The following SLC10A2 variants were observed in gnomAD, a reference collection of about 807,000 sequenced individuals.
SLC10A2 encodes solute carrier family 10 member 2.
SLC10A2 carries 34 observed loss-of-function variants against 27.1 expected under a neutral mutation model. The ratio of observed to expected loss-of-function variants is 1.26; its 90% CI spans 0.96 to 1.67. The LOEUF is 1.67. Ranked by LOEUF, SLC10A2 falls within the 40% of genes most tolerant of loss-of-function variation. The probability of loss-of-function intolerance (pLI) is 0.00; values close to 1 mark genes in which losing one functional copy is unlikely to be tolerated. For synonymous variants in SLC10A2, 205 were observed against 174.0 expected (o/e 1.18, Z -1.40); for missense variants, 530 against 444.4 (o/e 1.19, Z -1.73).
At chr13:103,056,111 C>G (rs776247339) in intron 2 of SLC10A2, among the ~76,000 whole-genome samples, 1 of 152,212 alleles carries the variant, frequency 6.6e-6, no homozygotes, top group African/African-American at 2.4e-5. Context: ...TTACTTCCCT[C>G]CATTGTTCAG....
chr13:103,055,540 A>G (rs1344690129), intron 2 of SLC10A2, among the ~76,000 whole-genome samples: 1 of 152,182 alleles, frequency 6.6e-6, no homozygotes, highest in Non-Finnish European at 1.5e-5. Context: ...TGAAGCAGTC[A>G]GTTCATTTAT....
At chr13:103,058,909 C>A (rs752763174) in intron 1 of SLC10A2, among the ~76,000 whole-genome samples, 3 of 152,090 alleles carry the variant, frequency 2.0e-5, no homozygotes, top group Non-Finnish European at 4.4e-5. Context: ...AATAGTGCTG[C>A]GGTGGACATA....
At position 103,049,426 on chromosome 13, in the gene SLC10A2, T is replaced by C; in HGVS notation, c.782A>G (p.Glu261Gly). ...PWYRCRTVAF[E>G]TGMQNTQLCS... is the part of the protein sequence containing the mutation. ...TAGCTGCGTGTTCTGCATCCCCGTT[T>C]CAAAAGCAACCGTTCGGCACCTAAA... The change falls in exon 5 of 6, where the codon GAA (glutamate) becomes GGA (glycine). Residue 261 changes from glutamate to glycine, a missense_variant. Physicochemically the swap from Glu to Gly is moderately conservative, Grantham distance 98. Coordinates refer to ENST00000245312, the MANE Select transcript of SLC10A2 (RefSeq NM_000452.3). The C allele has an allele frequency of 6.2e-7, 1 of 1,614,008 alleles. No individual in the cohort carries two copies. Among genetic ancestry groups the C allele is most frequent in the Non-Finnish European group, 8.5e-7 (1 of 1,179,926 alleles).
chr13:103,062,307 T>G (rs368738404), intron 1 of SLC10A2, among the ~76,000 whole-genome samples: 1 of 152,306 alleles, frequency 6.6e-6, no homozygotes, highest in African/African-American at 2.4e-5. Flanking sequence ...CCTGGGTGAT[T>G]CCAATTCTGA....
intron 1 of SLC10A2, among the ~76,000 whole-genome samples, chr13:103,060,699 T>G (rs1876090295): frequency 6.6e-6 from 1 of 152,132 alleles, no homozygotes; most frequent in Admixed American, 6.5e-5. Flanking sequence ...ATCATTTATG[T>G]TACCATGTTT....
chr13:103,054,417 C>T (rs956073799), intron 2 of SLC10A2, among the ~76,000 whole-genome samples: 1 of 152,198 alleles, frequency 6.6e-6, no homozygotes, highest in African/African-American at 2.4e-5. Flanking sequence ...GAAACTCCCT[C>T]TCCTGGGTCT....
chr13:103,049,523 G>A, intron 4 of SLC10A2, 77 bp from the exon 5 acceptor site: 1 of 1,411,624 alleles, frequency 7.1e-7, no homozygotes, highest in South Asian at 1.2e-5. Context: ...ATAATAATAA[G>A]TACATATATA....
intron 1 of SLC10A2, among the ~76,000 whole-genome samples, chr13:103,061,904 GA>G (rs1365539998): frequency 2.6e-5 from 4 of 151,734 alleles, no homozygotes; most frequent in African/African-American, 7.3e-5. Context: ...TATCTTACAC[GA>G]AAAAATCTGA....
intron 2 of SLC10A2, among the ~76,000 whole-genome samples, chr13:103,057,267 G>A (rs1307660880): frequency 1.3e-5 from 2 of 152,182 alleles, no homozygotes; most frequent in African/African-American, 2.4e-5. Flanking sequence ...TGTGGGAAAT[G>A]CCTATTCCTG....
At chr13:103,054,785 T>C (rs1875893300) in intron 2 of SLC10A2, among the ~76,000 whole-genome samples, 1 of 152,094 alleles carries the variant, frequency 6.6e-6, no homozygotes, top group Non-Finnish European at 1.5e-5. Flanking sequence ...AGTGTGTGGC[T>C]TCTGCTTGTA....
rs1876268302 is a variant in SLC10A2 at position 103,066,112 on chromosome 13, C to T, written c.138G>A (p.Met46Ile). The change falls in exon 1 of 6, where the codon ATG (methionine) becomes ATA (isoleucine). Residue 46 changes from methionine (M) to isoleucine (I), a missense_variant. Physicochemically the swap from Met to Ile is conservative, Grantham distance 10 (BLOSUM62 1). Transcript: ENST00000245312. ...TTTCCACGTTGCATCCCATGGAGAACATCACCAAGGCCAACAGGATGGTCA... is the reference window on the plus strand; with the variant it reads ...TTTCCACGTTGCATCCCATGGAGAATATCACCAAGGCCAACAGGATGGTCA... ...TVLTILLALVMFSMGCNVEIK... is the reference protein window; with the variant it reads ...TVLTILLALVIFSMGCNVEIK... 2 of 1,614,206 alleles carry T rather than the reference C, an allele frequency of 1.2e-6. No individual in the cohort carries two copies. Among genetic ancestry groups the T allele is most frequent in the South Asian group, 2.2e-5 (2 of 91,086 alleles).
chr13:103,057,793 T>C (rs1023431877), intron 2 of SLC10A2, among the ~76,000 whole-genome samples: 6 of 151,624 alleles, frequency 4.0e-5, no homozygotes, highest in African/African-American at 1.5e-4. Flanking sequence ...GCAGGAGAAT[T>C]GCTTGAACCC....
Position 103,058,426 on chromosome 13 carries a change from T to G in SLC10A2, c.378-44A>C, listed in dbSNP as rs775919148. 13 of 1,112,474 alleles carry G rather than the reference T, an allele frequency of 1.2e-5. No individual in the cohort carries two copies. In the East Asian group the frequency reaches 3.0e-4, roughly 26 times the overall value. 68.9% of individuals were successfully genotyped at this position (1,112,474 alleles called of 1,614,324 possible). A position where few individuals can be genotyped will look rare whatever the true frequency, so the allele number is the denominator to read the frequency against. On this transcript the variant is annotated intron_variant, in intron 1 of 5. Coordinates refer to ENST00000245312, the MANE Select transcript of SLC10A2 (RefSeq NM_000452.3). ...ATTGATACATCCACCTGTGGTGTTC[T>G]AGGGAAGATGCTGTTTTATTTTTAT...
intron 1 of SLC10A2, among the ~76,000 whole-genome samples, chr13:103,061,410 C>G (rs1450573104): frequency 8.0e-6 from 1 of 125,190 alleles, no homozygotes; most frequent in African/African-American, 2.9e-5. Context: ...ACTTTTTTTT[C>G]TGTGCATCCA....
intron 4 of SLC10A2, among the ~76,000 whole-genome samples, chr13:103,050,093 G>A (rs965369804): frequency 6.6e-6 from 1 of 152,188 alleles, no homozygotes; most frequent in African/African-American, 2.4e-5. Flanking sequence ...AGGCTTCAGT[G>A]AGCTATGATT....
intron 4 of SLC10A2, among the ~76,000 whole-genome samples, chr13:103,050,080 C>A (rs1298100627): frequency 6.6e-6 from 1 of 152,238 alleles, no homozygotes; most frequent in Non-Finnish European, 1.5e-5. Context: ...ATCACTTGAG[C>A]CAAGGCTTCA....
chr13:103,055,427 T>C (rs1275059439), intron 2 of SLC10A2, among the ~76,000 whole-genome samples: 2 of 152,162 alleles, frequency 1.3e-5, no homozygotes. Context: ...CGTCTGCCCA[T>C]AGAGCTGTGT....
At chr13:103,064,746 TA>T (rs5806337) in intron 1 of SLC10A2, among the ~76,000 whole-genome samples, 110,381 of 149,096 alleles carry the variant, frequency 0.74, 42,053 homozygotes, top group Non-Finnish European at 0.83. Context: ...GGGCTTTCCT[TA>T]AAAAAAAAAA....
intron 2 of SLC10A2, among the ~76,000 whole-genome samples, chr13:103,057,896 C>A (rs9554933): frequency 0.28 from 42,256 of 151,384 alleles, 6,074 homozygotes; most frequent in South Asian, 0.31. Context: ...AAAAAAATTT[C>A]TTCAATTCAA....
Sources: allele counts gnomAD v4.1 joint callset (sites outside exome capture counted in the v4.1 genomes callset), GRCh38; gene constraint gnomAD v4.1.1; transcripts MANE v1.5; gene names NCBI Gene and HGNC (gene_info 2026-07-23, HGNC 2026-07-21).